ANKIB1: variants seen among roughly 807,000 people sequenced by gnomAD.
ANKIB1 encodes the protein ankyrin repeat and IBR domain-containing protein 1.
In ANKIB1, 43 loss-of-function variants were observed where a neutral mutation model predicts 122.1. The observed-to-expected ratio is 0.35, with a 90% CI of 0.28 to 0.45. ANKIB1 has a LOEUF of 0.45. Among genes scored for constraint, ANKIB1 ranks in the 20% least tolerant of loss-of-function variants. The pLI, the probability that ANKIB1 is intolerant of heterozygous loss-of-function variation, is 1.00. For missense variants in ANKIB1, 992 were observed against 1,329.5 expected, an observed-to-expected ratio of 0.75 and a Z score of 3.95; for synonymous variants, 390 against 442.0, an observed-to-expected ratio of 0.88 and a Z score of 1.48.
chr7:92,308,789 A>G (rs73711593), intron 3 of ANKIB1, among the ~76,000 whole-genome samples: 1 of 152,268 alleles, frequency 6.6e-6, no homozygotes, highest in African/African-American at 2.4e-5. Context: ...ATCCATCCTT[A>G]CATATCTCAT....
intron 1 of ANKIB1, among the ~76,000 whole-genome samples, chr7:92,262,829 G>T (rs1178414605): frequency 6.6e-6 from 1 of 152,114 alleles, no homozygotes; most frequent in East Asian, 1.9e-4. Context: ...GTTAATTAGT[G>T]ATCACAGTGA....
intron 11 of ANKIB1, among the ~76,000 whole-genome samples, chr7:92,378,101 T>C (rs978346579): frequency 6.6e-5 from 10 of 152,182 alleles, no homozygotes; most frequent in African/African-American, 2.4e-4. Context: ...TCTACAGATA[T>C]TAGCAAACAT....
At chr7:92,337,685 C>G (rs920461010) in intron 5 of ANKIB1, among the ~76,000 whole-genome samples, 1 of 152,180 alleles carries the variant, frequency 6.6e-6, no homozygotes, top group Non-Finnish European at 1.5e-5. Flanking sequence ...AGACTGAATG[C>G]TTCTGTCTAG....
chr7:92,284,012 G>A (rs188707333), intron 1 of ANKIB1, among the ~76,000 whole-genome samples: 1 of 152,036 alleles, frequency 6.6e-6, no homozygotes, highest in South Asian at 2.1e-4. Flanking sequence ...CTCGTGATCT[G>A]CCTGCCTCGG....
intron 2 of ANKIB1, among the ~76,000 whole-genome samples, chr7:92,295,918 T>A (rs1433449038): frequency 2.0e-5 from 3 of 152,128 alleles, no homozygotes; most frequent in Non-Finnish European, 4.4e-5. Flanking sequence ...TTAATTTTTT[T>A]AGAAGTAGAT....
chr7:92,309,962 T>TATATATATATAA (rs1030276754), intron 3 of ANKIB1, among the ~76,000 whole-genome samples: 41 of 139,382 alleles, frequency 2.9e-4, no homozygotes, highest in African/African-American at 1.1e-3. Context: ...TATATATATA[T>TATATATATATAA]AAATTAAATG....
intron 3 of ANKIB1, among the ~76,000 whole-genome samples, chr7:92,313,072 G>A (rs563255926): frequency 6.6e-6 from 1 of 152,234 alleles, no homozygotes; most frequent in East Asian, 1.9e-4. Context: ...TCAGTAAATG[G>A]TGAATGTGAC....
intron 2 of ANKIB1, among the ~76,000 whole-genome samples, chr7:92,305,766 A>T (rs1650697168): frequency 6.6e-6 from 1 of 152,188 alleles, no homozygotes; most frequent in Non-Finnish European, 1.5e-5. Flanking sequence ...ATGTAGAGAA[A>T]ACCTGAGCAA....
intron 1 of ANKIB1, among the ~76,000 whole-genome samples, chr7:92,285,978 A>T (rs1802115022): frequency 6.6e-6 from 1 of 152,120 alleles, no homozygotes; most frequent in Admixed American, 6.5e-5. Context: ...TTATCCTGTC[A>T]CCTATAGGAA....
At chr7:92,357,142 A>G (rs1457957341) in intron 9 of ANKIB1, among the ~76,000 whole-genome samples, 1 of 152,238 alleles carries the variant, frequency 6.6e-6, no homozygotes, top group African/African-American at 2.4e-5. Context: ...ACATACTGGC[A>G]CATTTTCAAG....
chr7:92,341,251 A>T (rs1018832152), intron 5 of ANKIB1, among the ~76,000 whole-genome samples: 23 of 151,752 alleles, frequency 1.5e-4, no homozygotes, highest in Non-Finnish European at 1.5e-5. Context: ...CAGAGGCTGC[A>T]GTGAGCCAAG....
chr7:92,381,453 G>A (rs1804512796), intron 11 of ANKIB1, among the ~76,000 whole-genome samples: 1 of 152,190 alleles, frequency 6.6e-6, no homozygotes, highest in African/African-American at 2.4e-5. Flanking sequence ...ATTCACCAAT[G>A]TTGAAATGGA....
At chr7:92,270,373 T>C (rs1431163099) in intron 1 of ANKIB1, among the ~76,000 whole-genome samples, 1 of 152,176 alleles carries the variant, frequency 6.6e-6, no homozygotes, top group African/African-American at 2.4e-5. Flanking sequence ...TCCAGTCATT[T>C]TGAAGTACTC....
At chr7:92,249,293 T>G (rs1396474127) in intron 1 of ANKIB1, among the ~76,000 whole-genome samples, 1 of 152,202 alleles carries the variant, frequency 6.6e-6, no homozygotes, top group Non-Finnish European at 1.5e-5. Flanking sequence ...GGTAAATTAG[T>G]CAAGGTTCCT....
chr7:92,256,560 A>G (rs1801450031), intron 1 of ANKIB1, among the ~76,000 whole-genome samples: 1 of 152,202 alleles, frequency 6.6e-6, no homozygotes, highest in South Asian at 2.1e-4. Flanking sequence ...GAACTAGGTA[A>G]CAACAATATG....
At chr7:92,316,673 T>A (rs1802799251) in intron 3 of ANKIB1, among the ~76,000 whole-genome samples, 2 of 152,164 alleles carry the variant, frequency 1.3e-5, no homozygotes, top group Non-Finnish European at 2.9e-5. Context: ...TCACCCAGGT[T>A]CTAATAATGG....
At chr7:92,296,553 G>A (rs369181001) in intron 2 of ANKIB1, among the ~76,000 whole-genome samples, 1 of 152,050 alleles carries the variant, frequency 6.6e-6, no homozygotes, top group Non-Finnish European at 1.5e-5. Context: ...TACTTAGATT[G>A]TCATAACCCA....
chr7:92,385,038 A>G (rs1585137802), intron 11 of ANKIB1, among the ~76,000 whole-genome samples: 1 of 152,232 alleles, frequency 6.6e-6, no homozygotes, highest in Non-Finnish European at 1.5e-5. Flanking sequence ...CCAATTTACA[A>G]GAAAAAAACA....
chr7:92,329,864 C>T (rs1158012108), intron 5 of ANKIB1, among the ~76,000 whole-genome samples: 10 of 152,174 alleles, frequency 6.6e-5, no homozygotes, highest in Non-Finnish European at 1.3e-4. Context: ...TTGAAGTACC[C>T]AGAGTCCTAG....
Sources: gnomAD v4.1 joint callset for allele counts (sites outside exome capture counted in the v4.1 genomes callset) on GRCh38, gnomAD v4.1.1 for gene constraint, MANE v1.5 for transcripts, NCBI Gene and HGNC (gene_info 2026-07-23, HGNC 2026-07-21) for gene names.